MAPRE3: variants seen among roughly 807,000 people sequenced by gnomAD.
MAPRE3 encodes the protein microtubule associated protein RP/EB family member 3.
A neutral mutation model predicts 30.5 loss-of-function variants in MAPRE3; 2 were observed. That is an observed-to-expected ratio of 0.07 (90% CI 0.03 to 0.21). The LOEUF (loss-of-function observed/expected upper bound fraction) is 0.21, where lower values mean the gene tolerates loss of function less well. Ranked by LOEUF, MAPRE3 falls within the 10% of genes least tolerant of loss-of-function variation. The probability of loss-of-function intolerance (pLI) is 1.00; values close to 1 mark genes in which losing one functional copy is unlikely to be tolerated. For missense variants in MAPRE3, 204 were observed against 351.8 expected (o/e 0.58, Z 3.36); for synonymous variants, 110 against 127.7 (o/e 0.86, Z 0.93).
chr2:27,019,316 C>T (rs1667061100), intron 1 of MAPRE3, among the ~76,000 whole-genome samples: 1 of 140,338 alleles, frequency 7.1e-6, no homozygotes. Context: ...GGAGCTAAAG[C>T]AGAGTCCTGA....
chr2:26,991,859 C>T (rs1023900830), intron 1 of MAPRE3, among the ~76,000 whole-genome samples: 1 of 152,126 alleles, frequency 6.6e-6, no homozygotes, highest in South Asian at 2.1e-4. Context: ...CTAAAAGCAT[C>T]GGGCATTCCT....
chr2:26,973,996 A>G (rs1337886463), intron 1 of MAPRE3, among the ~76,000 whole-genome samples: 2 of 152,222 alleles, frequency 1.3e-5, no homozygotes, highest in Non-Finnish European at 2.9e-5. Context: ...TAATGCCCTC[A>G]TTTCTAAAGT....
chr2:27,012,469 A>G (rs929635901), intron 1 of MAPRE3: 2 of 152,190 alleles, frequency 1.3e-5, no homozygotes, highest in African/African-American at 2.4e-5. Context: ...CAAAAGCAAA[A>G]TTGAGGTAAC....
intron 2 of MAPRE3, chr2:27,022,660 A>T: frequency 3.9e-6 from 1 of 254,062 alleles, no homozygotes. Context: ...ACATCTAAAC[A>T]TACCTAAACA....
rs1052945169 is a variant in MAPRE3, at chr2:27,015,275, C to A, written c.-7-6937C>A. Among the ~76,000 whole-genome samples the A allele has an allele frequency of 3.3e-5, 5 of 152,248 alleles. No homozygotes were observed. Among genetic ancestry groups the A allele is most frequent in the African/African-American group, 9.6e-5 (4 of 41,464 alleles). Reference sequence around the variant, plus strand: ...ACTGAATGTCAGGCTCTGTGCTCAGCACTGTGTACACATGGCTCACTTAAT... The same window carrying A: ...ACTGAATGTCAGGCTCTGTGCTCAGAACTGTGTACACATGGCTCACTTAAT... On this transcript the variant is annotated intron_variant, in intron 1 of 6. Transcript: ENST00000233121. This position sits in a 1 kb window ranked among gnomAD's most constrained non-coding sequence, Gnocchi z 4.0.
At position 27,026,709 on chromosome 2, in the gene MAPRE3, T is replaced by TA. The variant is rs938479164; in HGVS notation, c.*362dup. 1.3e-4 allele frequency: 29 copies of TA among 222,626 alleles called. No individual in the cohort carries two copies. Among genetic ancestry groups the TA allele is most frequent in the African/African-American group, 6.0e-4 (26 of 43,476 alleles). The allele number at this position is 222,626 out of a possible 1,614,324, so 13.8% of individuals were successfully genotyped here. On this transcript the variant is annotated 3_prime_UTR_variant, in exon 7 of 7. Transcript: ENST00000233121. ...ACAAAGTCATTGGTATATTTTTACT[T>TA]ACTGGATTCTCCTTGCACTTTACCT...
At position 27,024,236 on chromosome 2, in the gene MAPRE3, G is replaced by T; in HGVS notation, c.408G>T (p.Ala136=). The T allele has an allele frequency of 6.2e-7, 1 of 1,614,194 alleles. No individual in the cohort carries two copies. Among genetic ancestry groups the T allele is most frequent in the Non-Finnish European group, 8.5e-7 (1 of 1,179,996 alleles). The change falls in exon 4 of 7, where the codon GCG becomes GCT. Residue 136 remains alanine, a synonymous_variant. Coordinates refer to ENST00000233121, the MANE Select transcript of MAPRE3 (RefSeq NM_012326.4). ...TGGCGCGGCAGGGCCAGGACGTAGC[G>T]CCACCTCCTAACCCAGGTGATCAGA... is the stretch of plus-strand genomic sequence containing the variant. ...PLLARQGQDV[A]PPPNPGDQIF... is the part of the protein sequence containing the mutation.
chr2:27,018,373 G>A (rs752923468), intron 1 of MAPRE3, among the ~76,000 whole-genome samples: 4 of 152,118 alleles, frequency 2.6e-5, no homozygotes, highest in Non-Finnish European at 5.9e-5. Flanking sequence ...GCTCCTGGCC[G>A]TCCTCTGCAC....
chr2:27,022,661 T>G, intron 2 of MAPRE3: 1 of 250,570 alleles, frequency 4.0e-6, no homozygotes. Flanking sequence ...CATCTAAACA[T>G]ACCTAAACAT....
intron 1 of MAPRE3, among the ~76,000 whole-genome samples, chr2:27,010,120 G>C (rs1448538788): frequency 6.6e-6 from 1 of 152,190 alleles, no homozygotes; most frequent in African/African-American, 2.4e-5. Context: ...TATTCTTCCT[G>C]CCTTAATACA....
chr2:26,984,973 A>G (rs1178854078), intron 1 of MAPRE3: 1 of 152,208 alleles, frequency 6.6e-6, no homozygotes, highest in Non-Finnish European at 1.5e-5. Flanking sequence ...GAGCTGAAAC[A>G]TAGGGGCAAT....
intron 1 of MAPRE3, chr2:27,012,668 T>TA (rs1426723331): frequency 1.3e-5 from 2 of 152,548 alleles, no homozygotes; most frequent in Non-Finnish European, 2.9e-5. Context: ...AACAGGCAGG[T>TA]AGAGTAGAGT....
intron 1 of MAPRE3, among the ~76,000 whole-genome samples, chr2:26,980,411 A>C (rs1482869161): frequency 6.6e-6 from 1 of 152,220 alleles, no homozygotes; most frequent in Non-Finnish European, 1.5e-5. Context: ...CAAACATATA[A>C]AATTGTAGTA....
intron 1 of MAPRE3, among the ~76,000 whole-genome samples, chr2:26,974,800 A>G (rs772105813): frequency 1.5e-4 from 23 of 152,234 alleles, no homozygotes; most frequent in Non-Finnish European, 2.5e-4. Flanking sequence ...TGAAGATTAA[A>G]TGAAAGGGAG....
rs1666196051 is a variant in MAPRE3, at chr2:26,985,320, T to A, written c.-8+14518T>A. Among the ~76,000 whole-genome samples, 1 of 152,236 alleles carries A rather than the reference T, an allele frequency of 6.6e-6. No individual in the cohort carries two copies. Among genetic ancestry groups the A allele is most frequent in the African/African-American group, 2.4e-5 (1 of 41,466 alleles). On this transcript the variant is annotated intron_variant, in intron 1 of 6. Coordinates refer to ENST00000233121, the MANE Select transcript of MAPRE3 (RefSeq NM_012326.4). This position sits in a 1 kb window ranked among gnomAD's most constrained non-coding sequence, Gnocchi z 4.2. ...CCAGCTCCTGAGATAATTCACAATA[T>A]TCTCATTCCAAATTCTGTTCTGTGC... is the stretch of plus-strand genomic sequence containing the variant.
At chr2:26,974,267 T>A (rs1665972339) in intron 1 of MAPRE3, among the ~76,000 whole-genome samples, 1 of 152,230 alleles carries the variant, frequency 6.6e-6, no homozygotes. Flanking sequence ...CAAGGGCTTG[T>A]TTTGTCATCT....
Position 27,024,248 on chromosome 2 carries a change from C to A in MAPRE3, c.420C>A (p.Asn140Lys). 2 of 1,614,218 alleles carry A rather than the reference C, an allele frequency of 1.2e-6. No individual in the cohort carries two copies. Among genetic ancestry groups the A allele is most frequent in the Non-Finnish European group, 1.7e-6 (2 of 1,180,016 alleles). ...GCCAGGACGTAGCGCCACCTCCTAA[C>A]CCAGGTGATCAGATCTTCAACAAAT... ...RQGQDVAPPP[N>K]PGDQIFNKSK... Residue 140 changes from asparagine (N) to lysine (K), a missense_variant, in exon 4 of 7, where the codon AAC becomes AAA. Coordinates refer to ENST00000233121, the MANE Select transcript of MAPRE3 (RefSeq NM_012326.4).
chr2:27,010,263 A>T (rs1483048654), intron 1 of MAPRE3, among the ~76,000 whole-genome samples: 1 of 152,148 alleles, frequency 6.6e-6, no homozygotes, highest in African/African-American at 2.4e-5. Flanking sequence ...CACATTTCTT[A>T]TCTTGCTTTT....
At chr2:27,024,327 T>C (rs1667183179) in intron 4 of MAPRE3, 30 bp downstream of exon 4, 1 of 1,601,998 alleles carries the variant, frequency 6.2e-7, no homozygotes, top group African/African-American at 1.3e-5. Context: ...GGAGGGAGCG[T>C]GGGGGGCCGG....
Sources: gnomAD v4.1 joint callset for allele counts (sites outside exome capture counted in the v4.1 genomes callset) on GRCh38, gnomAD v4.1.1 for gene constraint, Gnocchi (gnomAD v3.1) non-coding constraint, MANE v1.5 for transcripts, NCBI Gene and HGNC (gene_info 2026-07-23, HGNC 2026-07-21) for gene names.